PRDM15: variants seen among roughly 807,000 people sequenced by gnomAD.
PRDM15 encodes PR/SET domain 15.
A neutral mutation model predicts 128.6 loss-of-function variants in PRDM15; 64 were observed. That is an observed-to-expected ratio of 0.50 (90% CI 0.41 to 0.61). The LOEUF is 0.61. Ranked by LOEUF, PRDM15 falls within the 20% of genes least tolerant of loss-of-function variation. The pLI is 0.00. For synonymous variants in PRDM15, 615 were observed against 621.8 expected (o/e 0.99, Z 0.16); for missense variants, 1,242 against 1,569.1 (o/e 0.79, Z 3.52).
intron 10 of PRDM15, 97 bp from the exon 11 acceptor site, chr21:41,835,621 C>G: frequency 2.3e-6 from 2 of 870,348 alleles, no homozygotes; most frequent in South Asian, 2.8e-5. Context: ...ACGCCTGTGT[C>G]TGTTATGACT....
chr21:41,846,184 G>A (rs368238027), intron 6 of PRDM15, among the ~76,000 whole-genome samples: 1 of 152,216 alleles, frequency 6.6e-6, no homozygotes, highest in Non-Finnish European at 1.5e-5. Context: ...TGGGGCCTCT[G>A]AGCACGTTCC....
At chr21:41,808,112 C>T (rs949117260) in intron 21 of PRDM15, among the ~76,000 whole-genome samples, 4 of 152,188 alleles carry the variant, frequency 2.6e-5, no homozygotes, top group Middle Eastern at 3.2e-3. Flanking sequence ...TATCAATACG[C>T]GGAAGTCTAG....
chr21:41,869,735 A>T (rs562792262), intron 1 of PRDM15, among the ~76,000 whole-genome samples: 1 of 152,346 alleles, frequency 6.6e-6, no homozygotes, highest in South Asian at 2.1e-4. Flanking sequence ...GTGAGCCACC[A>T]GGCCCAGCTA....
At chr21:41,807,007 A>G (rs1285009503) in intron 21 of PRDM15, among the ~76,000 whole-genome samples, 1 of 149,944 alleles carries the variant, frequency 6.7e-6, no homozygotes, top group African/African-American at 2.5e-5. Context: ...CTCTACCACC[A>G]CCATCACCAA....
chr21:41,826,613 G>GT (rs1334795615), intron 12 of PRDM15, among the ~76,000 whole-genome samples: 1 of 152,176 alleles, frequency 6.6e-6, no homozygotes, highest in African/African-American at 2.4e-5. Context: ...TGCAAAACAG[G>GT]TAAGTTTTGA....
intron 21 of PRDM15, 124 bp from the exon 22 acceptor site, chr21:41,804,738 G>C (rs1439490885): frequency 7.7e-6 from 5 of 649,026 alleles, no homozygotes; most frequent in Non-Finnish European, 1.3e-5. Flanking sequence ...GGCATCCCCC[G>C]CACTTCCCAG....
rs1229378119 is a variant in PRDM15, at chr21:41,799,738, G to A, written c.*1502C>T. Reference sequence around the variant, plus strand: ...CCTGATCAATTACTCAGCCATGCCAGTGTTTCCTCAAGATGGACTCCCAGT... The same window carrying A: ...CCTGATCAATTACTCAGCCATGCCAATGTTTCCTCAAGATGGACTCCCAGT... On this transcript the variant is annotated 3_prime_UTR_variant, in exon 24 of 24. Transcript: ENST00000398548. 3 of 152,628 alleles carry A rather than the reference G, an allele frequency of 2.0e-5. No individual in the cohort carries two copies. In the South Asian group the frequency reaches 6.2e-4, roughly 32 times the overall value. 9.5% of individuals were successfully genotyped at this position (152,628 alleles called of 1,614,324 possible). A position where few individuals can be genotyped will look rare whatever the true frequency, so the allele number is the denominator to read the frequency against.
At chr21:41,836,231 CTCAT>C (rs753529088) in intron 9 of PRDM15, 24 bp from the exon 10 acceptor site, 1 of 1,597,656 alleles carries the variant, frequency 6.3e-7, no homozygotes, top group Non-Finnish European at 8.6e-7. Context: ...CAACAGAGAG[CTCAT>C]TCACTACTTA....
chr21:41,827,038 A>G (rs1423616407), intron 12 of PRDM15, among the ~76,000 whole-genome samples: 2 of 152,184 alleles, frequency 1.3e-5, no homozygotes, highest in Non-Finnish European at 2.9e-5. Flanking sequence ...GTCTGGTGCA[A>G]CCATCACAGC....
chr21:41,812,286 G>A (rs1362837071), intron 19 of PRDM15: 1 of 152,232 alleles, frequency 6.6e-6, no homozygotes, highest in Non-Finnish European at 1.5e-5. Context: ...AATTGTAAGT[G>A]AGTGCGGGCT....
chr21:41,828,454 C>T lies in PRDM15; in HGVS notation c.1367-121G>A, dbSNP rs202066990. 59 of 984,616 alleles carry T rather than the reference C, an allele frequency of 6.0e-5. No individual in the cohort carries two copies. The East Asian group carries it at 1.1e-3, about 19-fold the overall frequency. 61.0% of individuals were successfully genotyped at this position (984,616 alleles called of 1,614,324 possible). ...GACGGGCATGAGAGTCACGGGGATGCGTGGCCAGGAAGAAAACAGCACCTG... is the reference window on the plus strand; with the variant it reads ...GACGGGCATGAGAGTCACGGGGATGTGTGGCCAGGAAGAAAACAGCACCTG... On this transcript the variant is annotated intron_variant, in intron 11 of 23. Transcript: ENST00000398548. This position sits in a 1 kb window ranked among gnomAD's most constrained non-coding sequence, Gnocchi z 5.7.
chr21:41,845,404 C>T (rs2063232077), intron 6 of PRDM15, among the ~76,000 whole-genome samples: 1 of 150,300 alleles, frequency 6.7e-6, no homozygotes, highest in African/African-American at 2.5e-5. Context: ...CTCTGCTTTC[C>T]ACTTCTAGGC....
Position 41,879,070 on chromosome 21 carries a change from C to T in PRDM15, c.-10+200G>A. ...CCAGCCGGGTTTTGACTCCGATCGC[C>T]AACGGTGCCCGCAGCCGGCGAATGT... On this transcript the variant is annotated intron_variant, in intron 1 of 23. Transcript: ENST00000398548. This position sits in a 1 kb window ranked among gnomAD's most constrained non-coding sequence, Gnocchi z 5.1. The T allele has an allele frequency of 8.8e-7, 1 of 1,133,936 alleles. No individual in the cohort carries two copies. Among genetic ancestry groups the T allele is most frequent in the Non-Finnish European group, 1.1e-6 (1 of 899,114 alleles). 70.2% of individuals were successfully genotyped at this position (1,133,936 alleles called of 1,614,324 possible).
At chr21:41,867,307 G>A (rs772711497) in intron 1 of PRDM15, 26 of 1,612,694 alleles carry the variant, frequency 1.6e-5, no homozygotes, top group Non-Finnish European at 1.9e-5. Context: ...GACCTCCTCC[G>A]TTCGCAATCT....
rs1213192913 is a variant in PRDM15 at position 41,830,569 on chromosome 21, AAC to A, written c.1367-2238_1367-2237del. On this transcript the variant is annotated intron_variant, in intron 11 of 23. Coordinates refer to ENST00000398548, the MANE Select transcript of PRDM15 (RefSeq NM_001040424.3). The stretch of plus-strand genomic sequence containing the variant: ...AATCACACATACCACAAATACACTC[AAC>A]ACACACACCACACACCTCATATTCA... Among the ~76,000 whole-genome samples, 7 of 150,060 alleles carry A rather than the reference AAC, an allele frequency of 4.7e-5. No homozygotes were observed. In the East Asian group the frequency reaches 6.0e-4, roughly 13 times the overall value.
chr21:41,839,600 C>T (rs4920145), intron 7 of PRDM15, 23 bp downstream of exon 7: 84,616 of 1,607,354 alleles, frequency 0.053, 2,620 homozygotes, highest in South Asian at 0.097. Flanking sequence ...CGCAGGCACT[C>T]ATCCCCGGGA....
At chr21:41,805,588 G>T (rs1043287399) in intron 21 of PRDM15, among the ~76,000 whole-genome samples, 1 of 152,050 alleles carries the variant, frequency 6.6e-6, no homozygotes, top group Non-Finnish European at 1.5e-5. Flanking sequence ...TCCTGCAATG[G>T]CTTTGAAGAC....
At chr21:41,858,087 C>G (rs533791819) in intron 3 of PRDM15, among the ~76,000 whole-genome samples, 1 of 152,226 alleles carries the variant, frequency 6.6e-6, no homozygotes, top group African/African-American at 2.4e-5. Context: ...GCTGAGGAGC[C>G]ATATGAAGAG....
chr21:41,824,759 C>A (rs1328370008), intron 13 of PRDM15, among the ~76,000 whole-genome samples: 1 of 152,226 alleles, frequency 6.6e-6, no homozygotes, highest in Non-Finnish European at 1.5e-5. Flanking sequence ...CTCACCTGGA[C>A]CCCCAGCCAC....
Sources: allele counts gnomAD v4.1 joint callset (sites outside exome capture counted in the v4.1 genomes callset), GRCh38; gene constraint gnomAD v4.1.1; non-coding constraint Gnocchi (gnomAD v3.1); transcripts MANE v1.5; gene names NCBI Gene and HGNC (gene_info 2026-07-23, HGNC 2026-07-21).